The following GSDMD variants were observed in gnomAD, a reference collection of about 807,000 sequenced individuals.
GSDMD encodes gasdermin D, also known as gasdermin-D.
Under a neutral mutation model 46.7 loss-of-function variants are expected in GSDMD, and 46 were observed. The observed-to-expected ratio is 0.99, with a 90% CI of 0.78 to 1.26. The LOEUF (loss-of-function observed/expected upper bound fraction) is 1.26, where lower values mean the gene tolerates loss of function less well. Among genes scored for constraint, GSDMD ranks in the 50% most tolerant of loss-of-function variants. The pLI is 0.00. For missense variants in GSDMD, 649 were observed against 638.8 expected (o/e 1.02, Z -0.17); for synonymous variants, 307 against 283.1 (o/e 1.08, Z -0.85).
rs1823477807 is a variant in GSDMD at position 143,562,129 on chromosome 8, G to A, written c.994G>A (p.Ala332Thr). 6.3e-7 allele frequency: 1 copy of A among 1,598,248 alleles called. No homozygotes were observed. Among genetic ancestry groups the A allele is most frequent in the Non-Finnish European group, 8.5e-7 (1 of 1,179,080 alleles). Residue 332 changes from alanine (A) to threonine (T), a missense_variant and splice_region_variant, in exon 8 of 11, where the codon GCG (alanine) becomes ACG (threonine). By Grantham distance (58) the Ala-to-Thr change is moderately conservative. Transcript: ENST00000262580. ...GCTGGCCCTGCGAGCCTTGGAGGAG[G>A]CGGTGAGCGGGGGAGGGTGCCCGGG... ...DQLALRALEE[A>T]LEQGQSLGPV... is the part of the protein sequence containing the mutation.
Position 143,559,853 on chromosome 8 carries a change from C to CT in GSDMD, c.294_295insT (p.Pro99SerfsTer14), listed in dbSNP as rs1823405980. ...TACAGGGCAGCGTGGAGCTGGCAGC[C>CT]CCAGGACAGGCAAAGATCGCAGGCG... On this transcript the variant is annotated frameshift_variant, in exon 3 of 11. Transcript: ENST00000262580. LOFTEE classifies it high-confidence loss of function. 1 of 1,612,706 alleles carries CT rather than the reference C, an allele frequency of 6.2e-7. No homozygotes were observed. Among genetic ancestry groups the CT allele is most frequent in the Non-Finnish European group, 8.5e-7 (1 of 1,179,926 alleles).
intron 1 of GSDMD, chr8:143,558,762 C>T (rs529641120): frequency 6.5e-5 from 40 of 613,446 alleles, no homozygotes; most frequent in Non-Finnish European, 9.3e-5. Context: ...CACTCAGAGG[C>T]TTCCTGGGGC....
chr8:143,562,227 C>T lies in GSDMD; in HGVS notation c.1015C>T (p.Leu339Phe). Residue 339 changes from leucine (L) to phenylalanine (F), a missense_variant, in exon 9 of 11, where the codon CTT (leucine) becomes TTT (phenylalanine). Coordinates refer to ENST00000262580, the MANE Select transcript of GSDMD (RefSeq NM_024736.7). Reference protein sequence around the residue: ...LEEALEQGQSLGPVEPLDGPA... With the variant: ...LEEALEQGQSFGPVEPLDGPA... ...CCCACAGCTGGAGCAGGGCCAGAGC[C>T]TTGGGCCGGTGGAGCCCCTGGACGG... is the stretch of plus-strand genomic sequence containing the variant. 1 of 1,570,870 alleles carries T rather than the reference C, an allele frequency of 6.4e-7. No individual in the cohort carries two copies. The highest frequency in any genetic ancestry group is 1.3e-5 in the African/African-American group (1 of 74,278).
At chr8:143,560,456 A>G (rs7831485) in intron 3 of GSDMD, 147 bp from the exon 4 acceptor site, 766,945 of 772,040 alleles carry the variant, frequency 0.99, 381,096 homozygotes, top group East Asian at 1. Context: ...CGTGGGGAGC[A>G]CACGGAGAGG....
At chr8:143,553,986 G>A (rs1475187265), upstream of GSDMD, among the ~76,000 whole-genome samples, 1 of 117,294 alleles carries the variant, frequency 8.5e-6, no homozygotes, top group Admixed American at 8.1e-5. Context: ...TGGAGGCAAG[G>A]CCCGCCCTGC....
upstream of GSDMD, among the ~76,000 whole-genome samples, chr8:143,556,564 A>G (rs10099546): frequency 0.18 from 27,049 of 152,202 alleles, 2,675 homozygotes; most frequent in East Asian, 0.46. Flanking sequence ...AACAAACAAC[A>G]AAAAATACAC....
Position 143,560,620 on chromosome 8 carries a change from A to C in GSDMD, c.428A>C (p.Glu143Ala), listed in dbSNP as rs758250312. 6.3e-7 allele frequency: 1 copy of C among 1,587,448 alleles called. No individual in the cohort carries two copies. Among genetic ancestry groups the C allele is most frequent in the Admixed American group, 1.8e-5 (1 of 56,868 alleles). ...GGACACAGGCACCTGCGGCAGCCAG[A>C]ACACAAAGTCCTGCAGCAGCTGCGC... is the stretch of plus-strand genomic sequence containing the variant. ...LLHERHLRQP[E>A]HKVLQQLRSR... is the part of the protein sequence containing the mutation. The change falls in exon 4 of 11, where the codon GAA becomes GCA. Residue 143 changes from glutamate (E) to alanine (A), a missense_variant. By Grantham distance (107) the Glu-to-Ala change is moderately radical (BLOSUM62 -1). Transcript: ENST00000262580.
upstream of GSDMD, among the ~76,000 whole-genome samples, chr8:143,555,410 G>A (rs1352317388): frequency 1.3e-5 from 2 of 152,230 alleles, no homozygotes; most frequent in Non-Finnish European, 2.9e-5. Context: ...CTGGGCTCAG[G>A]GTTGGGCTGC....
upstream of GSDMD, among the ~76,000 whole-genome samples, chr8:143,554,230 T>G (rs954637402): frequency 2.6e-5 from 4 of 152,174 alleles, no homozygotes; most frequent in African/African-American, 4.8e-5. Context: ...CACAGCGACA[T>G]GTGCACACAC....
chr8:143,559,119 A>G, intron 1 of GSDMD: 1 of 600,292 alleles, frequency 1.7e-6, no homozygotes, highest in Non-Finnish European at 3.0e-6. Context: ...TGCTCATGGT[A>G]CCGTAGACAA....
At chr8:143,556,220 C>G (rs182659995), upstream of GSDMD, among the ~76,000 whole-genome samples, 5 of 151,944 alleles carry the variant, frequency 3.3e-5, no homozygotes, top group Admixed American at 6.6e-5. Context: ...CTCTCACACA[C>G]AGACACAAAA....
chr8:143,562,722 C>G lies in GSDMD; in HGVS notation c.1273C>G (p.Pro425Ala). ...GGAGCGCAGCACCATGTCCCTGCCCCCCGGGCTCCTGGGGAACAGCTGGGG... is the reference window on the plus strand; with the variant it reads ...GGAGCGCAGCACCATGTCCCTGCCCGCCGGGCTCCTGGGGAACAGCTGGGG... ...WQERSTMSLP[P>A]GLLGNSWGEG... is the part of the protein sequence containing the mutation. Residue 425 changes from proline (P) to alanine (A), a missense_variant, in exon 11 of 11, where the codon CCC becomes GCC. Coordinates refer to ENST00000262580, the MANE Select transcript of GSDMD (RefSeq NM_024736.7). The G allele has an allele frequency of 6.3e-7, 1 of 1,593,134 alleles. No homozygotes were observed. Among genetic ancestry groups the G allele is most frequent in the Non-Finnish European group, 8.5e-7 (1 of 1,169,934 alleles).
Position 143,562,138 on chromosome 8 carries a change from G to A in GSDMD, c.996+7G>A, listed in dbSNP as rs769048359. The A allele has an allele frequency of 7.5e-5, 120 of 1,597,966 alleles. No homozygotes were observed. Among genetic ancestry groups the A allele is most frequent in the Admixed American group, 4.0e-4 (24 of 59,884 alleles). ...GCGAGCCTTGGAGGAGGCGGTGAGC[G>A]GGGGAGGGTGCCCGGGGCACACAAG... On this transcript the variant is annotated splice_region_variant and intron_variant, in intron 8 of 10. Coordinates refer to ENST00000262580, the MANE Select transcript of GSDMD (RefSeq NM_024736.7).
At chr8:143,554,983 G>C (rs760707410), upstream of GSDMD, 4 of 152,302 alleles carry the variant, frequency 2.6e-5, no homozygotes, top group Non-Finnish European at 5.9e-5. Flanking sequence ...CCTGTGTCCA[G>C]CCTGGGGTAC....
Position 143,561,065 on chromosome 8 carries a change from G to A in GSDMD, c.643G>A (p.Ala215Thr), listed in dbSNP as rs750073736. The A allele has an allele frequency of 2.1e-5, 34 of 1,613,056 alleles. No individual in the cohort carries two copies. The highest frequency in any genetic ancestry group is 5.5e-5 in the South Asian group (5 of 91,086). The change falls in exon 5 of 11, where the codon GCA becomes ACA. Residue 215 changes from alanine to threonine, a missense_variant. Ala to Thr is a moderately conservative substitution (Grantham distance 58). Coordinates refer to ENST00000262580, the MANE Select transcript of GSDMD (RefSeq NM_024736.7). The part of the protein sequence containing the change: ...TVTIPSGSTL[A>T]FRVAQLVIDS... ...CACCATCCCCTCAGGCAGCACCCTC[G>A]CATTCCGGGTGGCCCAGCTGGTTAT...
In GSDMD at chr8:143,562,876, T is replaced by TGCC; in HGVS notation, c.1427_1428insGCC (p.Leu476_Ser477insPro). The TGCC allele has an allele frequency of 1.2e-6, 2 of 1,612,284 alleles. No homozygotes were observed. Among genetic ancestry groups the TGCC allele is most frequent in the Non-Finnish European group, 8.5e-7 (1 of 1,179,968 alleles). On this transcript the variant is annotated inframe_insertion, in exon 11 of 11. Coordinates refer to ENST00000262580, the MANE Select transcript of GSDMD (RefSeq NM_024736.7). ...GCACTCTACGCCTCCCTGGCACTGCTATCAGGACTGAGCCAGGAGCCCCAC... is the reference window on the plus strand; with the variant it reads ...GCACTCTACGCCTCCCTGGCACTGCTGCCATCAGGACTGAGCCAGGAGCCCCAC...
upstream of GSDMD, chr8:143,557,939 G>C (rs1476934990): frequency 2.2e-6 from 1 of 446,440 alleles, no homozygotes; most frequent in Non-Finnish European, 4.4e-6. Flanking sequence ...CTGTCGCCCA[G>C]GCTGGAGTAC....
At chr8:143,557,461 G>GCTGCCGCT (rs1823334307), upstream of GSDMD, among the ~76,000 whole-genome samples, 3 of 150,702 alleles carry the variant, frequency 2.0e-5, no homozygotes, top group South Asian at 2.1e-4. Flanking sequence ...CTGCCGCTAT[G>GCTGCCGCT]ATGAAGGATG....
Position 143,562,146 on chromosome 8 carries a change from G to T in GSDMD, c.996+15G>T. On this transcript the variant is annotated intron_variant, in intron 8 of 10. Coordinates refer to ENST00000262580, the MANE Select transcript of GSDMD (RefSeq NM_024736.7). ...TGGAGGAGGCGGTGAGCGGGGGAGG[G>T]TGCCCGGGGCACACAAGGCCTGCCC... The T allele has an allele frequency of 6.3e-7, 1 of 1,597,894 alleles. No homozygotes were observed.
Sources: allele counts gnomAD v4.1 joint callset (sites outside exome capture counted in the v4.1 genomes callset), GRCh38; gene constraint gnomAD v4.1.1; transcripts MANE v1.5; gene names NCBI Gene and HGNC (gene_info 2026-07-23, HGNC 2026-07-21).